Variants in ABCA13 observed in about 807,000 individuals in gnomAD.
ABCA13 encodes ATP-binding cassette sub-family A member 13.
A neutral mutation model predicts 478.7 loss-of-function variants in ABCA13; 476 were observed. The ratio of observed to expected loss-of-function variants is 0.99; its 90% CI spans 0.92 to 1.07. The LOEUF (loss-of-function observed/expected upper bound fraction) is 1.07. Ranked by LOEUF, ABCA13 falls within the 50% of genes least tolerant of loss-of-function variation. The pLI, the probability that ABCA13 is intolerant of heterozygous loss-of-function variation, is 0.00. For synonymous variants in ABCA13, 2,252 were observed against 2,158.9 expected (o/e 1.04, Z -1.20); for missense variants, 6,060 against 5,910.6 (o/e 1.03, Z -0.83).
intron 55 of ABCA13, 125 bp downstream of exon 55, chr7:48,528,470 C>T (rs924127234): frequency 1.6e-6 from 1 of 639,050 alleles, no homozygotes; most frequent in African/African-American, 1.8e-5. Context: ...ATTTACCTTC[C>T]AATTACCACT....
chr7:48,404,580 T>G (rs2129077067), intron 39 of ABCA13: 1 of 152,536 alleles, frequency 6.6e-6, no homozygotes, highest in South Asian at 2.1e-4. Flanking sequence ...TTCTTTTGCC[T>G]TTTGAGTATA....
intron 5 of ABCA13, among the ~76,000 whole-genome samples, chr7:48,222,297 G>T (rs1787486279): frequency 6.6e-6 from 1 of 152,154 alleles, no homozygotes; most frequent in African/African-American, 2.4e-5. Flanking sequence ...TCACTTTAAT[G>T]ATTAAATTAG....
intron 45 of ABCA13, among the ~76,000 whole-genome samples, chr7:48,474,355 T>A (rs1049761685): frequency 6.6e-6 from 1 of 152,076 alleles, no homozygotes; most frequent in Non-Finnish European, 1.5e-5. Flanking sequence ...AGAGAAAGAA[T>A]GGGCCAGGGA....
chr7:48,325,387 C>T (rs1388143125), intron 27 of ABCA13, among the ~76,000 whole-genome samples: 1 of 152,198 alleles, frequency 6.6e-6, no homozygotes, highest in Admixed American at 6.5e-5. Context: ...CCTCAACCTC[C>T]CTCATGCCCT....
chr7:48,507,836 G>T, intron 49 of ABCA13, 36 bp from the exon 50 acceptor site: 3 of 1,547,324 alleles, frequency 1.9e-6, no homozygotes, highest in Non-Finnish European at 2.6e-6. Context: ...TGTGTTCTTC[G>T]TCAGGTGCCT....
chr7:48,257,201 T>G (rs542801156), intron 15 of ABCA13, among the ~76,000 whole-genome samples: 2 of 152,284 alleles, frequency 1.3e-5, no homozygotes, highest in African/African-American at 4.8e-5. Flanking sequence ...ACTATGGGGT[T>G]TTCTAGGTAT....
chr7:48,202,911 C>T (rs573978063), intron 3 of ABCA13, among the ~76,000 whole-genome samples: 2 of 152,108 alleles, frequency 1.3e-5, no homozygotes, highest in South Asian at 4.2e-4. Context: ...GCCGTGCGCC[C>T]GCGCTCCTCA....
intron 57 of ABCA13, 42 bp from the exon 58 acceptor site, chr7:48,594,668 T>C (rs1306363168): frequency 1.9e-6 from 3 of 1,563,048 alleles, no homozygotes; most frequent in Admixed American, 1.7e-5. Flanking sequence ...TTTCTATTTG[T>C]GTTTTTCAAA....
intron 7 of ABCA13, among the ~76,000 whole-genome samples, chr7:48,231,918 T>C (rs889512425): frequency 2.6e-5 from 4 of 152,070 alleles, no homozygotes; most frequent in Non-Finnish European, 5.9e-5. Flanking sequence ...CTCCTCGGCC[T>C]CCCAAAGTGC....
chr7:48,640,419 C>A (rs1455975831), intron 59 of ABCA13, among the ~76,000 whole-genome samples: 1 of 152,134 alleles, frequency 6.6e-6, no homozygotes, highest in Non-Finnish European at 1.5e-5. Context: ...ATTATTCCTG[C>A]TTCTGTTTTA....
chr7:48,227,012 A>G (rs1374395018), intron 5 of ABCA13, among the ~76,000 whole-genome samples: 1 of 151,938 alleles, frequency 6.6e-6, no homozygotes, highest in African/African-American at 2.4e-5. Context: ...TTTTCTTCTT[A>G]CCCCATCCAT....
intron 28 of ABCA13, among the ~76,000 whole-genome samples, chr7:48,336,733 G>A (rs1271076155): frequency 2.6e-5 from 4 of 152,202 alleles, no homozygotes; most frequent in African/African-American, 9.6e-5. Context: ...TTGGAGGTCT[G>A]CGATGTTCAT....
chr7:48,234,972 C>T (rs1477003973), intron 8 of ABCA13, among the ~76,000 whole-genome samples: 1 of 152,164 alleles, frequency 6.6e-6, no homozygotes, highest in Admixed American at 6.5e-5. Context: ...ACCTGGTCTT[C>T]CCAGATAGCA....
At chr7:48,507,144 C>A (rs1028397998) in intron 49 of ABCA13, among the ~76,000 whole-genome samples, 1 of 152,136 alleles carries the variant, frequency 6.6e-6, no homozygotes, top group Non-Finnish European at 1.5e-5. Flanking sequence ...TTAACAGTGT[C>A]TGACACCTGC....
chr7:48,530,744 T>A (rs190760459), intron 55 of ABCA13, among the ~76,000 whole-genome samples: 21 of 152,282 alleles, frequency 1.4e-4, no homozygotes, highest in Admixed American at 3.3e-4. Context: ...ATTAGTGATG[T>A]TGAGCATTTT....
chr7:48,463,818 G>T lies in ABCA13; in HGVS notation c.12816-3138G>T, dbSNP rs567090994. Among the ~76,000 whole-genome samples the T allele has an allele frequency of 1.8e-4, 28 of 152,116 alleles. No individual in the cohort carries two copies. In the East Asian group the frequency reaches 5.2e-3, roughly 28 times the overall value. On this transcript the variant is annotated intron_variant, in intron 43 of 61. Transcript: ENST00000435803. Reference sequence around the variant, plus strand: ...GAATGGAATGGAATGGAAAGGAATGGAACTGAACGGAACGGAACGGAAAGG... The same window carrying T: ...GAATGGAATGGAATGGAAAGGAATGTAACTGAACGGAACGGAACGGAAAGG...
chr7:48,397,224 T>C (rs1487543839), intron 38 of ABCA13, among the ~76,000 whole-genome samples: 1 of 152,016 alleles, frequency 6.6e-6, no homozygotes, highest in Non-Finnish European at 1.5e-5. Context: ...GACATGAGAA[T>C]ACAGCATATT....
At chr7:48,311,797 G>A (rs575267547) in intron 24 of ABCA13, among the ~76,000 whole-genome samples, 11 of 152,284 alleles carry the variant, frequency 7.2e-5, no homozygotes, top group African/African-American at 2.4e-4. Context: ...TGAGGGCCAC[G>A]TGCAGGTGCA....
In ABCA13 at chr7:48,403,710, G is replaced by A; in HGVS notation, c.11901G>A (p.Gln3967=). Residue 3967 remains glutamine (Q), a synonymous_variant, in exon 39 of 62, where the codon CAG becomes CAA. Coordinates refer to ENST00000435803, the MANE Select transcript of ABCA13 (RefSeq NM_152701.5). ...CTCTTCAGGATGTGGACTTAACTCAGCATCAGCACAAACAGACCCGAGCTC... is the reference window on the plus strand; with the variant it reads ...CTCTTCAGGATGTGGACTTAACTCAACATCAGCACAAACAGACCCGAGCTC... ...NQTLQDVDLT[Q]HQHKQTRALS... 1.2e-6 allele frequency: 2 copies of A among 1,613,964 alleles called. No homozygotes were observed. Among genetic ancestry groups the A allele is most frequent in the Non-Finnish European group, 1.7e-6 (2 of 1,179,868 alleles).
Sources: allele counts gnomAD v4.1 joint callset (sites outside exome capture counted in the v4.1 genomes callset), GRCh38; gene constraint gnomAD v4.1.1; transcripts MANE v1.5; gene names NCBI Gene and HGNC (gene_info 2026-07-23, HGNC 2026-07-21).